EIF3H: variants seen among roughly 807,000 people sequenced by gnomAD.
EIF3H encodes the protein eIF-3-gamma.
EIF3H carries 26 observed loss-of-function variants against 44.2 expected under a neutral mutation model. That is an observed-to-expected ratio of 0.59 (90% CI 0.43 to 0.82). The LOEUF (loss-of-function observed/expected upper bound fraction) is 0.82, where lower values mean the gene tolerates loss of function less well. Among genes scored for constraint, EIF3H ranks in the 40% least tolerant of loss-of-function variants. The probability of loss-of-function intolerance (pLI) is 0.00; values close to 1 mark genes in which losing one functional copy is unlikely to be tolerated. For missense variants in EIF3H, 359 were observed against 432.8 expected (o/e 0.83, Z 1.51); for synonymous variants, 166 against 151.9 (o/e 1.09, Z -0.68).
intron 2 of EIF3H, among the ~76,000 whole-genome samples, chr8:116,702,764 G>A (rs754447746): frequency 1.2e-4 from 19 of 152,158 alleles, no homozygotes; most frequent in South Asian, 2.1e-4. Context: ...AATCAAGTAC[G>A]AATAACAAAG....
chr8:116,702,876 T>C (rs1271001488), intron 2 of EIF3H, among the ~76,000 whole-genome samples: 2 of 151,986 alleles, frequency 1.3e-5, no homozygotes, highest in African/African-American at 4.8e-5. Context: ...CCATAGAAGG[T>C]TGTGGGGATT....
chr8:116,656,314 A>C (rs571545757), intron 4 of EIF3H, among the ~76,000 whole-genome samples: 7 of 152,328 alleles, frequency 4.6e-5, no homozygotes, highest in African/African-American at 1.7e-4. Flanking sequence ...TAAATGTCAC[A>C]GTAAGTTATG....
chr8:116,696,582 G>A (rs992081714), intron 2 of EIF3H, among the ~76,000 whole-genome samples: 2 of 152,192 alleles, frequency 1.3e-5, no homozygotes, highest in African/African-American at 4.8e-5. Context: ...CATACTTCAT[G>A]ACTGCATCAA....
At chr8:116,755,872 C>A, upstream of EIF3H, 3 of 1,587,670 alleles carry the variant, frequency 1.9e-6, no homozygotes, top group East Asian at 6.8e-5. Context: ...TGACGTCACT[C>A]GCAGGCCGGC....
At chr8:116,716,186 A>T (rs987338098) in intron 2 of EIF3H, among the ~76,000 whole-genome samples, 2 of 152,116 alleles carry the variant, frequency 1.3e-5, no homozygotes, top group African/African-American at 4.8e-5. Flanking sequence ...CAAGTGAGCA[A>T]TTAAAAAGAT....
intron 2 of EIF3H, among the ~76,000 whole-genome samples, chr8:116,678,088 T>TG: frequency 6.6e-6 from 1 of 151,382 alleles, no homozygotes; most frequent in South Asian, 2.1e-4. Context: ...GCAACCTCCC[T>TG]GCCTGATTCT....
At chr8:116,667,617 C>T (rs1216529978) in intron 2 of EIF3H, among the ~76,000 whole-genome samples, 1 of 152,164 alleles carries the variant, frequency 6.6e-6, no homozygotes, top group South Asian at 2.1e-4. Context: ...GAAGTGAGCA[C>T]TAAACATTCA....
At chr8:116,750,248 T>C (rs900308691) in intron 1 of EIF3H, among the ~76,000 whole-genome samples, 3 of 152,262 alleles carry the variant, frequency 2.0e-5, no homozygotes, top group Non-Finnish European at 1.5e-5. Flanking sequence ...GGAGAATTTT[T>C]AAAAAAACAG....
chr8:116,720,465 T>C (rs749113705), intron 2 of EIF3H, among the ~76,000 whole-genome samples: 13 of 152,320 alleles, frequency 8.5e-5, no homozygotes, highest in Non-Finnish European at 1.6e-4. Context: ...ATTAAATCTC[T>C]TTTTCTTCAA....
Position 116,645,005 on chromosome 8 carries a change from C to CCAGAACAA in EIF3H, c.1059_*1insTTGTTCTG. 1 of 1,612,840 alleles carries CCAGAACAA rather than the reference C, an allele frequency of 6.2e-7. No individual in the cohort carries two copies. The highest frequency in any genetic ancestry group is 8.5e-7 in the Non-Finnish European group (1 of 1,179,188). On this transcript the variant is annotated 3_prime_UTR_variant, in exon 8 of 8. Coordinates refer to ENST00000521861, the MANE Select transcript of EIF3H (RefSeq NM_003756.3). Reference sequence around the variant, plus strand: ...ACTTCTTTTCTGGAAACTTCCTTTTCTTAGTTGTTGTATTCTTGAAGAGCC... The same window carrying CCAGAACAA: ...ACTTCTTTTCTGGAAACTTCCTTTTCCAGAACAATTAGTTGTTGTATTCTTGAAGAGCC...
At chr8:116,711,973 A>T (rs1470906996) in intron 2 of EIF3H, among the ~76,000 whole-genome samples, 1 of 150,540 alleles carries the variant, frequency 6.6e-6, no homozygotes, top group African/African-American at 2.4e-5. Flanking sequence ...TTTCCACTCA[A>T]ATATTGGTTT....
At chr8:116,690,749 T>C (rs1432045933) in intron 2 of EIF3H, among the ~76,000 whole-genome samples, 2 of 152,174 alleles carry the variant, frequency 1.3e-5, no homozygotes, top group Non-Finnish European at 2.9e-5. Flanking sequence ...TCTCAGTATG[T>C]AGAAGAAAAA....
intron 2 of EIF3H, among the ~76,000 whole-genome samples, chr8:116,672,497 T>TA (rs1195532171): frequency 6.6e-6 from 1 of 152,004 alleles, no homozygotes; most frequent in Non-Finnish European, 1.5e-5. Flanking sequence ...GCTGTAGTCC[T>TA]AGCTATTCAG....
intron 2 of EIF3H, among the ~76,000 whole-genome samples, chr8:116,682,209 A>G (rs575181856): frequency 1.4e-4 from 22 of 152,364 alleles, no homozygotes; most frequent in Non-Finnish European, 2.8e-4. Context: ...AAAGTACTAG[A>G]AAGATGAGAA....
chr8:116,750,570 C>A (rs534347734), intron 1 of EIF3H, among the ~76,000 whole-genome samples: 122 of 152,090 alleles, frequency 8.0e-4, no homozygotes, highest in African/African-American at 2.5e-3. Flanking sequence ...CCACCACGCC[C>A]GACTAATTTT....
At chr8:116,749,479 GA>G (rs1243875634) in intron 1 of EIF3H, among the ~76,000 whole-genome samples, 1 of 152,162 alleles carries the variant, frequency 6.6e-6, no homozygotes. Context: ...ATCATACTTT[GA>G]ATAGCAAGGT....
chr8:116,711,549 T>C (rs1163105034), intron 2 of EIF3H, among the ~76,000 whole-genome samples: 1 of 152,034 alleles, frequency 6.6e-6, no homozygotes, highest in South Asian at 2.1e-4. Context: ...TGCTACCAAA[T>C]GACAATGAAT....
rs118004076 is a variant in EIF3H at position 116,715,732 on chromosome 8, G to A, written c.289+10284C>T. On this transcript the variant is annotated intron_variant, in intron 2 of 7. Transcript: ENST00000521861. ...CAGTGCACTTTATAACATATTTAAG[G>A]AATTCAGTTGTATAAAACAGTATCT... 5.5e-4 allele frequency among the ~76,000 whole-genome samples: 84 copies of A among 152,108 alleles called. No individual in the cohort carries two copies. In the East Asian group the frequency reaches 0.012, roughly 22 times the overall value.
chr8:116,705,498 CCCA>C (rs988022341), intron 2 of EIF3H, among the ~76,000 whole-genome samples: 15 of 143,990 alleles, frequency 1.0e-4, no homozygotes, highest in East Asian at 4.0e-4. Flanking sequence ...TACACCCCCC[CCCA>C]CCACCAACAC....
Sources: allele counts gnomAD v4.1 joint callset (sites outside exome capture counted in the v4.1 genomes callset), GRCh38; gene constraint gnomAD v4.1.1; transcripts MANE v1.5; gene names NCBI Gene and HGNC (gene_info 2026-07-23, HGNC 2026-07-21).